Variants in ALDH1A2 observed in about 807,000 individuals in gnomAD.
ALDH1A2 encodes retinal dehydrogenase 2.
A neutral mutation model predicts 60.3 loss-of-function variants in ALDH1A2; 27 were observed. The observed-to-expected ratio is 0.45, with a 90% CI of 0.33 to 0.62. ALDH1A2 has a LOEUF of 0.62. ALDH1A2 is among the 20% of genes least tolerant of loss of function. The pLI is 0.02. For missense variants in ALDH1A2, 581 were observed against 643.8 expected (o/e 0.90, Z 1.06); for synonymous variants, 289 against 232.4 (o/e 1.24, Z -2.21).
At chr15:58,003,108 A>C (rs972812420) in intron 4 of ALDH1A2, among the ~76,000 whole-genome samples, 1 of 151,828 alleles carries the variant, frequency 6.6e-6, no homozygotes, top group Non-Finnish European at 1.5e-5. Flanking sequence ...ATCGTAACAA[A>C]AGTTAGTTTA....
chr15:57,978,271 A>C (rs1431845224), intron 7 of ALDH1A2, among the ~76,000 whole-genome samples: 9 of 152,306 alleles, frequency 5.9e-5, no homozygotes, highest in Admixed American at 2.6e-4. Flanking sequence ...TTCTTGTGCC[A>C]GTTTTCAAAG....
At chr15:57,967,620 C>A (rs1403086851) in intron 7 of ALDH1A2, among the ~76,000 whole-genome samples, 3 of 152,126 alleles carry the variant, frequency 2.0e-5, no homozygotes, top group Admixed American at 6.5e-5. Flanking sequence ...AAAATGTATC[C>A]CCATCCTGAG....
intron 1 of ALDH1A2, among the ~76,000 whole-genome samples, chr15:58,040,189 C>A (rs192800588): frequency 3.3e-5 from 5 of 152,056 alleles, no homozygotes; most frequent in Non-Finnish European, 5.9e-5. Flanking sequence ...CAGAAGCCAA[C>A]AGAACACCTC....
chr15:57,979,894 T>G (rs542443381), intron 7 of ALDH1A2: 1 of 360,084 alleles, frequency 2.8e-6, no homozygotes, highest in South Asian at 2.8e-5. Flanking sequence ...ACCCTGGGTG[T>G]AGCCCATCTG....
chr15:58,001,438 A>G (rs1226172887), intron 4 of ALDH1A2, among the ~76,000 whole-genome samples: 1 of 151,896 alleles, frequency 6.6e-6, no homozygotes, highest in Non-Finnish European at 1.5e-5. Context: ...GAACACATGG[A>G]AACTTGTTAT....
intron 3 of ALDH1A2, among the ~76,000 whole-genome samples, chr15:58,012,782 G>A (rs1275955476): frequency 6.6e-6 from 1 of 152,136 alleles, no homozygotes; most frequent in African/African-American, 2.4e-5. Flanking sequence ...TGGTAGGAGG[G>A]ACACTGAGAA....
intron 7 of ALDH1A2, among the ~76,000 whole-genome samples, chr15:57,978,202 T>C (rs1182974131): frequency 6.6e-6 from 1 of 152,218 alleles, no homozygotes; most frequent in East Asian, 1.9e-4. Flanking sequence ...TTTGCCTGAT[T>C]GCCCTGACCA....
chr15:58,002,527 T>C (rs1895308468), intron 4 of ALDH1A2, among the ~76,000 whole-genome samples: 1 of 151,930 alleles, frequency 6.6e-6, no homozygotes, highest in African/African-American at 2.4e-5. Context: ...TATATATTAA[T>C]ATAAACTAGA....
At position 58,057,877 on chromosome 15, in the gene ALDH1A2, C is replaced by T. The variant is rs1415260092; in HGVS notation, c.117+7657G>A. ...AAATGAATACATAAATTCAGGGAGG[C>T]ACAAGAGTAGCTCTGGCTACAGCCA... On this transcript the variant is annotated intron_variant, in intron 1 of 12. Transcript: ENST00000249750. 7 of 342,490 alleles carry T rather than the reference C, an allele frequency of 2.0e-5. No homozygotes were observed. In the East Asian group the frequency reaches 3.6e-4, roughly 18 times the overall value. The allele number at this position is 342,490 out of a possible 1,614,324, so 21.2% of individuals were successfully genotyped here.
chr15:58,031,038 C>T (rs2704197), intron 1 of ALDH1A2, among the ~76,000 whole-genome samples: 78,518 of 151,418 alleles, frequency 0.52, 21,498 homozygotes, highest in African/African-American at 0.7. Context: ...CTAAAGTTCA[C>T]ATAGAACCAA....
At chr15:57,994,710 A>G (rs1017212387) in intron 5 of ALDH1A2, among the ~76,000 whole-genome samples, 5 of 152,208 alleles carry the variant, frequency 3.3e-5, no homozygotes, top group Admixed American at 1.3e-4. Flanking sequence ...ATCATATAAA[A>G]TAATATGCCT....
At position 58,065,685 on chromosome 15, in the gene ALDH1A2, G is replaced by A. The variant is rs750159365; in HGVS notation, c.-35C>T. 62 of 1,440,592 alleles carry A rather than the reference G, an allele frequency of 4.3e-5. No homozygotes were observed. Among genetic ancestry groups the A allele is most frequent in the Admixed American group, 2.6e-4 (11 of 42,224 alleles). The allele number at this position is 1,440,592 out of a possible 1,614,324, so 89.2% of individuals were successfully genotyped here. Reference sequence around the variant, plus strand: ...CCGGGTGTCCCTAGCCCGCGGCGTGGGGCAGTGCGGGCTGTGCGCGCGGTC... The same window carrying A: ...CCGGGTGTCCCTAGCCCGCGGCGTGAGGCAGTGCGGGCTGTGCGCGCGGTC... On this transcript the variant is annotated 5_prime_UTR_variant, in exon 1 of 13. Transcript: ENST00000249750.
intron 7 of ALDH1A2, among the ~76,000 whole-genome samples, chr15:57,981,426 C>A (rs1363304653): frequency 6.6e-6 from 1 of 151,898 alleles, no homozygotes; most frequent in African/African-American, 2.4e-5. Context: ...CAGAGGAGAG[C>A]AGAATGTAGT....
intron 7 of ALDH1A2, among the ~76,000 whole-genome samples, chr15:57,972,490 A>G (rs1299810958): frequency 6.6e-6 from 1 of 152,218 alleles, no homozygotes; most frequent in Non-Finnish European, 1.5e-5. Flanking sequence ...AAAGTACTCT[A>G]TGTCCCATTA....
intron 1 of ALDH1A2, among the ~76,000 whole-genome samples, chr15:58,039,701 C>T (rs1896467110): frequency 6.6e-6 from 1 of 151,634 alleles, no homozygotes; most frequent in Admixed American, 6.6e-5. Flanking sequence ...GAAATATTGT[C>T]TTCTAAAAAG....
At chr15:57,981,655 A>T (rs112366342) in intron 7 of ALDH1A2, among the ~76,000 whole-genome samples, 4,131 of 152,334 alleles carry the variant, frequency 0.027, 139 homozygotes, top group African/African-American at 0.077. Context: ...GAAAGCTGGA[A>T]TTTGATCCAT....
At chr15:57,961,882 T>A in intron 10 of ALDH1A2, 130 bp downstream of exon 10, 3 of 1,278,878 alleles carry the variant, frequency 2.3e-6, no homozygotes, top group Non-Finnish European at 3.3e-6. Flanking sequence ...TTCATAGCCA[T>A]GTTCATTACT....
intron 1 of ALDH1A2, among the ~76,000 whole-genome samples, chr15:58,016,941 T>A (rs1030315535): frequency 7.9e-5 from 12 of 152,284 alleles, no homozygotes; most frequent in Non-Finnish European, 1.5e-4. Context: ...AATTCTTAAT[T>A]TTCTGCCCAT....
At chr15:57,981,098 CTTTTCTCT>C (rs1376152046) in intron 7 of ALDH1A2, among the ~76,000 whole-genome samples, 5 of 152,018 alleles carry the variant, frequency 3.3e-5, no homozygotes, top group African/African-American at 9.7e-5. Flanking sequence ...CTATTTGATT[CTTTTCTCT>C]TTTTCTCTTT....
Sources: gnomAD v4.1 joint callset for allele counts (sites outside exome capture counted in the v4.1 genomes callset) on GRCh38, gnomAD v4.1.1 for gene constraint, MANE v1.5 for transcripts, NCBI Gene and HGNC (gene_info 2026-07-23, HGNC 2026-07-21) for gene names.